The following OTOG variants were observed in gnomAD, a reference collection of about 807,000 sequenced individuals.
OTOG encodes the protein otogelin.
A neutral mutation model predicts 313.8 loss-of-function variants in OTOG; 296 were observed. That is an observed-to-expected ratio of 0.94 (90% CI 0.86 to 1.04). The LOEUF (loss-of-function observed/expected upper bound fraction) is 1.04, where lower values mean the gene tolerates loss of function less well. Ranked by LOEUF, OTOG falls within the 50% of genes least tolerant of loss-of-function variation. The pLI is 0.00. For synonymous variants in OTOG, 1,533 were observed against 1,554.9 expected, an observed-to-expected ratio of 0.99 and a Z score of 0.33; for missense variants, 3,948 against 3,840.1, an observed-to-expected ratio of 1.03 and a Z score of -0.74.
chr11:17,579,196 G>A (rs1392300143), intron 23 of OTOG, among the ~76,000 whole-genome samples: 1 of 152,212 alleles, frequency 6.6e-6, no homozygotes, highest in Non-Finnish European at 1.5e-5. Flanking sequence ...GCAACAGCCG[G>A]CTGTGCCCTT....
chr11:17,548,418 C>CTTTTTTTTTTTTTTTTTTTTTTTTTT (rs56402246), intron 3 of OTOG, among the ~76,000 whole-genome samples: 4 of 87,620 alleles, frequency 4.6e-5, no homozygotes, highest in African/African-American at 1.4e-4. Flanking sequence ...ATAGTCCACT[C>CTTTTTTTTTTTTTTTTTTTTTTTTTT]TTTTTTTTTT....
chr11:17,569,018 A>G, intron 15 of OTOG, 138 bp from the exon 16 acceptor site: 1 of 1,044,456 alleles, frequency 9.6e-7, no homozygotes, highest in South Asian at 1.6e-5. Context: ...ATGATCCCTG[A>G]TATCTTTGGG....
At chr11:17,618,497 G>A (rs1329476199) in intron 39 of OTOG, among the ~76,000 whole-genome samples, 3 of 152,066 alleles carry the variant, frequency 2.0e-5, no homozygotes, top group East Asian at 1.9e-4. Context: ...TTTTATGTCC[G>A]AGAATATGCT....
intron 20 of OTOG, among the ~76,000 whole-genome samples, chr11:17,576,123 T>G (rs1339271276): frequency 6.6e-6 from 1 of 152,226 alleles, no homozygotes; most frequent in African/African-American, 2.4e-5. Context: ...TAACAACCAG[T>G]GCAGCACAGG....
intron 46 of OTOG, 146 bp from the exon 47 acceptor site, chr11:17,635,464 C>G (rs553540242): frequency 1.5e-6 from 1 of 676,276 alleles, no homozygotes; most frequent in East Asian, 2.7e-5. Flanking sequence ...GATTCCAGAA[C>G]GGATCACGTG....
Position 17,634,964 on chromosome 11 carries a change from TGGGGAGGGTG to T in OTOG, c.7585+22_7585+31del. Reference sequence around the variant, plus strand: ...TACAGCTGTGGTGAGAGGCCCGGGGTGGGGAGGGTGGGGGACGGACTGAGGGCAGTGGGGG... The same window carrying T: ...TACAGCTGTGGTGAGAGGCCCGGGGTGGGGACGGACTGAGGGCAGTGGGGG... On this transcript the variant is annotated intron_variant, in intron 45 of 55. Coordinates refer to ENST00000399397, the MANE Select transcript of OTOG (RefSeq NM_001292063.2). 5.0e-6 allele frequency: 2 copies of T among 397,122 alleles called. No individual in the cohort carries two copies. The highest frequency in any genetic ancestry group is 8.7e-6 in the Non-Finnish European group (2 of 228,628). The allele number at this position is 397,122 out of a possible 1,614,324, so 24.6% of individuals were successfully genotyped here.
At chr11:17,562,879 C>T (rs1356333394) in intron 15 of OTOG, among the ~76,000 whole-genome samples, 2 of 152,064 alleles carry the variant, frequency 1.3e-5, no homozygotes, top group African/African-American at 4.8e-5. Flanking sequence ...GTCTTGGAGA[C>T]TGGGATGAAT....
Position 17,605,909 on chromosome 11 carries a change from C to A in OTOG, c.3930C>A (p.His1310Gln), listed in dbSNP as rs757220206. Residue 1310 changes from histidine to glutamine, a missense_variant, in exon 33 of 56, where the codon CAC becomes CAA. Transcript: ENST00000399397. The part of the protein sequence containing the change: ...EAADRPNFFL[H>Q]VTANGSLELA... ...CAGACAGACCCAACTTCTTCCTTCA[C>A]GTCACAGCCAACGGGTCTCTGGAGC... 1.9e-5 allele frequency: 29 copies of A among 1,550,280 alleles called. No individual in the cohort carries two copies. The East Asian group carries it at 3.2e-4, about 17-fold the overall frequency.
At chr11:17,611,807 T>A (rs1317424243) in intron 36 of OTOG, among the ~76,000 whole-genome samples, 1 of 138,018 alleles carries the variant, frequency 7.2e-6, no homozygotes, top group Non-Finnish European at 1.5e-5. Flanking sequence ...TGTGCCTTTG[T>A]GAGAAACTGT....
intron 23 of OTOG, among the ~76,000 whole-genome samples, chr11:17,582,672 G>A (rs1852698266): frequency 6.6e-6 from 1 of 152,144 alleles, no homozygotes; most frequent in Admixed American, 6.5e-5. Flanking sequence ...CAAGTACATG[G>A]TCCTATCTCA....
At chr11:17,633,642 G>C in intron 42 of OTOG, 38 bp from the exon 43 acceptor site, 1 of 1,480,664 alleles carries the variant, frequency 6.8e-7, no homozygotes, top group Non-Finnish European at 9.0e-7. Context: ...CCCTGCCTGG[G>C]GTCTGAGGTA....
chr11:17,623,599 CATGAATAT>C (rs912214329), intron 39 of OTOG, among the ~76,000 whole-genome samples: 1 of 152,000 alleles, frequency 6.6e-6, no homozygotes, highest in Non-Finnish European at 1.5e-5. Context: ...GTAGTGCTAC[CATGAATAT>C]ATGTGTGCAG....
rs572997060 is a variant in OTOG at position 17,635,051 on chromosome 11, C to T, written c.7586-29C>T. Reference sequence around the variant, plus strand: ...AGGGGTGGCCAGGCAGGTTCCTCTCCCAGCACCTAAATTCAGCCTTTTCCC... The same window carrying T: ...AGGGGTGGCCAGGCAGGTTCCTCTCTCAGCACCTAAATTCAGCCTTTTCCC... On this transcript the variant is annotated intron_variant, in intron 45 of 55. Coordinates refer to ENST00000399397, the MANE Select transcript of OTOG (RefSeq NM_001292063.2). The T allele has an allele frequency of 9.4e-5, 145 of 1,540,700 alleles. 4 individuals carry two copies. In the South Asian group the frequency reaches 1.7e-3, roughly 18 times the overall value.
intron 23 of OTOG, among the ~76,000 whole-genome samples, chr11:17,580,883 C>T (rs1002029298): frequency 6.6e-6 from 1 of 152,250 alleles, no homozygotes; most frequent in East Asian, 1.9e-4. Flanking sequence ...TCAGGTAAAA[C>T]GTAGTGAATT....
intron 44 of OTOG, 24 bp downstream of exon 44, chr11:17,634,305 T>C: frequency 1.3e-6 from 2 of 1,545,796 alleles, no homozygotes; most frequent in Non-Finnish European, 1.7e-6. Context: ...TTCACTTCCT[T>C]GGACGTCAAC....
Position 17,601,856 on chromosome 11 carries a change from G to T in OTOG, c.3710-354G>T, listed in dbSNP as rs905461983. On this transcript the variant is annotated intron_variant, in intron 31 of 55. Coordinates refer to ENST00000399397, the MANE Select transcript of OTOG (RefSeq NM_001292063.2). ...GGGTCTGACGTCTTCTTCCAGAGGG[G>T]ACCTTGAATAGAGCAGTGGCTGTAA... Among the ~76,000 whole-genome samples, 2 of 152,190 alleles carry T rather than the reference G, an allele frequency of 1.3e-5. 1 individual carries two copies. Among genetic ancestry groups the T allele is most frequent in the Non-Finnish European group, 2.9e-5 (2 of 68,034 alleles).
chr11:17,592,299 T>C (rs1852965581), intron 25 of OTOG, among the ~76,000 whole-genome samples: 1 of 152,112 alleles, frequency 6.6e-6, no homozygotes, highest in South Asian at 2.1e-4. Context: ...ATAATAACAA[T>C]GACAAAACCT....
chr11:17,628,274 G>A (rs966757044), intron 39 of OTOG, among the ~76,000 whole-genome samples: 14 of 151,976 alleles, frequency 9.2e-5, no homozygotes, highest in African/African-American at 3.4e-4. Flanking sequence ...ATTATCATTT[G>A]TTTCAAGAAA....
At chr11:17,576,162 G>A (rs887067731) in intron 20 of OTOG, among the ~76,000 whole-genome samples, 2 of 152,234 alleles carry the variant, frequency 1.3e-5, no homozygotes, top group African/African-American at 4.8e-5. Flanking sequence ...GATGCTGGGC[G>A]TGAGTGACCA....
Sources: allele counts gnomAD v4.1 joint callset (sites outside exome capture counted in the v4.1 genomes callset), GRCh38; gene constraint gnomAD v4.1.1; transcripts MANE v1.5; gene names NCBI Gene and HGNC (gene_info 2026-07-23, HGNC 2026-07-21).